The following SYNPR variants were observed in gnomAD, a reference collection of about 807,000 sequenced individuals.
SYNPR encodes the protein synaptoporin.
In SYNPR, 23 loss-of-function variants were observed where a neutral mutation model predicts 32.9. The ratio of observed to expected loss-of-function variants is 0.70; its 90% CI spans 0.50 to 0.99. SYNPR has a LOEUF of 0.99. Among genes scored for constraint, SYNPR ranks in the 50% least tolerant of loss-of-function variants. The pLI, the probability that SYNPR is intolerant of heterozygous loss-of-function variation, is 0.00. For missense variants in SYNPR, 318 were observed against 349.3 expected, an observed-to-expected ratio of 0.91 and a Z score of 0.71; for synonymous variants, 146 against 135.9, an observed-to-expected ratio of 1.07 and a Z score of -0.52.
chr3:63,564,266 G>C (rs760133822), intron 4 of SYNPR, among the ~76,000 whole-genome samples: 2 of 148,690 alleles, frequency 1.3e-5, no homozygotes, highest in East Asian at 4.0e-4. Context: ...AGTCGATCTC[G>C]GCTCACTGCA....
intron 2 of SYNPR, among the ~76,000 whole-genome samples, chr3:63,255,410 T>C (rs1388910160): frequency 2.0e-5 from 3 of 152,196 alleles, no homozygotes; most frequent in Non-Finnish European, 2.9e-5. Flanking sequence ...GCCTGCCATG[T>C]CAGGCCTTGA....
intron 4 of SYNPR, among the ~76,000 whole-genome samples, chr3:63,564,691 G>A (rs889342823): frequency 6.6e-6 from 1 of 152,132 alleles, no homozygotes; most frequent in Non-Finnish European, 1.5e-5. Context: ...TTTTCCCGGT[G>A]TGCTTTCTAG....
At chr3:63,472,056 A>C (rs989175026) in intron 2 of SYNPR, among the ~76,000 whole-genome samples, 2 of 152,218 alleles carry the variant, frequency 1.3e-5, no homozygotes, top group African/African-American at 4.8e-5. Context: ...GCTGAGGCAC[A>C]GTACGTGAGC....
chr3:63,536,903 C>A (rs1559529486), intron 3 of SYNPR, among the ~76,000 whole-genome samples: 1 of 151,966 alleles, frequency 6.6e-6, no homozygotes, highest in African/African-American at 2.4e-5. Flanking sequence ...TATGCAAATA[C>A]ATAGAAACAA....
At chr3:63,433,553 G>C (rs1288785327) in intron 2 of SYNPR, among the ~76,000 whole-genome samples, 1 of 152,122 alleles carries the variant, frequency 6.6e-6, no homozygotes, top group Non-Finnish European at 1.5e-5. Context: ...TTATGGAGGG[G>C]ACACTGAACA....
chr3:63,338,652 T>C lies in SYNPR; in HGVS notation c.84+59910T>C, dbSNP rs528134947. On this transcript the variant is annotated intron_variant, in intron 2 of 5. Transcript: ENST00000478300. ...GTATTAGGTCATGTTATTCATTTCA[T>C]TGTACAACCAAGAAAAGCTGCAGCT... Among the ~76,000 whole-genome samples, 15 of 152,318 alleles carry C rather than the reference T, an allele frequency of 9.8e-5. No individual in the cohort carries two copies. In the South Asian group the frequency reaches 3.1e-3, roughly 32 times the overall value.
At chr3:63,600,820 C>T (rs1700029722) in intron 4 of SYNPR, among the ~76,000 whole-genome samples, 1 of 152,192 alleles carries the variant, frequency 6.6e-6, no homozygotes, top group Admixed American at 6.5e-5. Flanking sequence ...CATTTAACCT[C>T]TTTCCTTTAT....
intron 2 of SYNPR, among the ~76,000 whole-genome samples, chr3:63,392,049 C>G (rs1254308108): frequency 6.6e-6 from 1 of 152,200 alleles, no homozygotes; most frequent in Non-Finnish European, 1.5e-5. Context: ...TAATCTTCAA[C>G]TCTATTAGGA....
rs1491210387 is a variant in SYNPR, at chr3:63,613,611, A to AAAAC, written c.601-1610_601-1609insCAAA. Among the ~76,000 whole-genome samples, 4 of 22,462 alleles carry AAAAC rather than the reference A, an allele frequency of 1.8e-4. No individual in the cohort carries two copies. The East Asian group carries it at 2.2e-3, about 12-fold the overall frequency. 14.7% of individuals were successfully genotyped at this position (22,462 alleles called of 152,430 possible). ...GCCTCAGTTCAATTTATGCTGCAGC[A>AAAAC]AAAAAAAAAAAAAAAAAAAAAAAAA... On this transcript the variant is annotated intron_variant, in intron 5 of 5. Coordinates refer to ENST00000478300, the MANE Select transcript of SYNPR (RefSeq NM_001130003.2).
intron 2 of SYNPR, among the ~76,000 whole-genome samples, chr3:63,405,112 G>T (rs1441623488): frequency 6.6e-6 from 1 of 152,072 alleles, no homozygotes; most frequent in African/African-American, 2.4e-5. Context: ...AGTTTTACTG[G>T]CTCCCTGCCT....
At chr3:63,232,563 T>A (rs1250300771) in intron 1 of SYNPR, among the ~76,000 whole-genome samples, 1 of 152,190 alleles carries the variant, frequency 6.6e-6, no homozygotes, top group African/African-American at 2.4e-5. Flanking sequence ...ATTTTCTCCA[T>A]CTTCAGCACC....
intron 4 of SYNPR, among the ~76,000 whole-genome samples, chr3:63,591,848 C>G: frequency 6.8e-6 from 1 of 147,306 alleles, no homozygotes; most frequent in African/African-American, 2.5e-5. Flanking sequence ...GGGAGATATA[C>G]CTAATGCTAG....
chr3:63,323,687 A>G (rs986098381), intron 2 of SYNPR, among the ~76,000 whole-genome samples: 7 of 152,124 alleles, frequency 4.6e-5, no homozygotes, highest in African/African-American at 1.2e-4. Context: ...GGGTGGTTCT[A>G]GAATAGACAA....
At chr3:63,415,816 G>A (rs188277482) in intron 2 of SYNPR, among the ~76,000 whole-genome samples, 9 of 152,298 alleles carry the variant, frequency 5.9e-5, no homozygotes, top group African/African-American at 1.4e-4. Context: ...GCAGCAAATT[G>A]CAACACAGCT....
intron 2 of SYNPR, among the ~76,000 whole-genome samples, chr3:63,302,615 A>C (rs770615469): frequency 6.6e-6 from 1 of 151,996 alleles, no homozygotes; most frequent in Non-Finnish European, 1.5e-5. Flanking sequence ...TTTTATTAAA[A>C]TTTTTACATA....
intron 4 of SYNPR, among the ~76,000 whole-genome samples, chr3:63,570,306 A>G (rs981964822): frequency 1.3e-5 from 2 of 152,298 alleles, no homozygotes; most frequent in East Asian, 3.9e-4. Flanking sequence ...CCAGTCTTCC[A>G]TTCTTCCAAT....
chr3:63,442,709 C>A (rs1700202260), intron 2 of SYNPR, among the ~76,000 whole-genome samples: 1 of 152,168 alleles, frequency 6.6e-6, no homozygotes, highest in Non-Finnish European at 1.5e-5. Context: ...GACGAGTGAG[C>A]AACCAAGTTG....
intron 2 of SYNPR, among the ~76,000 whole-genome samples, chr3:63,409,677 T>C (rs907923966): frequency 6.6e-6 from 1 of 152,206 alleles, no homozygotes; most frequent in Non-Finnish European, 1.5e-5. Flanking sequence ...TGTGATTCAT[T>C]GTCTTCACAA....
intron 2 of SYNPR, among the ~76,000 whole-genome samples, chr3:63,337,534 C>A (rs930157789): frequency 6.6e-6 from 1 of 152,150 alleles, no homozygotes; most frequent in African/African-American, 2.4e-5. Flanking sequence ...GCATTAAAAA[C>A]TACGTCCACA....
Sources: gnomAD v4.1 joint callset for allele counts (sites outside exome capture counted in the v4.1 genomes callset) on GRCh38, gnomAD v4.1.1 for gene constraint, MANE v1.5 for transcripts, NCBI Gene and HGNC (gene_info 2026-07-23, HGNC 2026-07-21) for gene names.